The following ERC1 variants were observed in gnomAD, a reference collection of about 807,000 sequenced individuals.
The protein encoded by ERC1 is RAB6 interacting protein 2.
In ERC1, 56 loss-of-function variants were observed where a neutral mutation model predicts 132.0. The observed-to-expected ratio is 0.42, with a 90% CI of 0.34 to 0.53. The LOEUF is 0.53. Ranked by LOEUF, ERC1 falls within the 20% of genes least tolerant of loss-of-function variation. The probability of loss-of-function intolerance (pLI) is 0.03; values close to 1 mark genes in which losing one functional copy is unlikely to be tolerated. For missense variants in ERC1, 1,202 were observed against 1,349.9 expected (o/e 0.89, Z 1.72); for synonymous variants, 478 against 476.1 (o/e 1.00, Z -0.05).
chr12:1,326,023 A>T (rs1198692222), intron 15 of ERC1, among the ~76,000 whole-genome samples: 1 of 152,134 alleles, frequency 6.6e-6, no homozygotes, highest in Non-Finnish European at 1.5e-5. Flanking sequence ...GATGTTCATG[A>T]TTCAAAAACT....
chr12:1,359,120 G>A (rs539643622), intron 15 of ERC1, among the ~76,000 whole-genome samples: 8 of 152,256 alleles, frequency 5.3e-5, no homozygotes, highest in Admixed American at 3.9e-4. Flanking sequence ...ACCAAGGTGG[G>A]GAAAGAAAAA....
At chr12:1,306,475 A>G (rs1566544856) in intron 15 of ERC1, among the ~76,000 whole-genome samples, 4 of 152,208 alleles carry the variant, frequency 2.6e-5, no homozygotes, top group Admixed American at 1.3e-4. Context: ...GTAAAACTGT[A>G]TTGGAAAACA....
intron 16 of ERC1, among the ~76,000 whole-genome samples, chr12:1,382,881 A>G (rs555282344): frequency 6.6e-6 from 1 of 152,334 alleles, no homozygotes; most frequent in African/African-American, 2.4e-5. Flanking sequence ...GAATCCTTCA[A>G]AGAAATAGAT....
intron 13 of ERC1, among the ~76,000 whole-genome samples, chr12:1,245,853 G>A (rs1466681723): frequency 6.6e-6 from 1 of 152,138 alleles, no homozygotes; most frequent in East Asian, 1.9e-4. Flanking sequence ...TAATTACTGT[G>A]ATTTATAGTA....
chr12:1,092,848 C>T lies in ERC1; in HGVS notation c.1086+9268C>T, dbSNP rs923567960. On this transcript the variant is annotated intron_variant, in intron 3 of 18. Coordinates refer to ENST00000360905, the MANE Select transcript of ERC1 (RefSeq NM_178040.4). The stretch of plus-strand genomic sequence containing the variant: ...TGGTGGTGCACGCCTGTAATCCCAG[C>T]TCTTTGTGAGGCTGGCACATGGTAA... 9.2e-5 allele frequency among the ~76,000 whole-genome samples: 14 copies of T among 152,212 alleles called. 1 individual carries two copies. Among genetic ancestry groups the T allele is most frequent in the Non-Finnish European group, 1.2e-4 (8 of 68,030 alleles).
chr12:1,237,950 A>T (rs2075535979), intron 13 of ERC1, among the ~76,000 whole-genome samples: 1 of 152,238 alleles, frequency 6.6e-6, no homozygotes, highest in Non-Finnish European at 1.5e-5. Flanking sequence ...CTGAGGCTTT[A>T]CAACAAATTC....
At chr12:1,401,747 G>GT (rs1287253690) in intron 16 of ERC1, among the ~76,000 whole-genome samples, 10 of 127,716 alleles carry the variant, frequency 7.8e-5, no homozygotes, top group South Asian at 2.7e-4. Flanking sequence ...AGGGAGGGCG[G>GT]TAAAAAAAAA....
intron 17 of ERC1, among the ~76,000 whole-genome samples, chr12:1,419,160 A>G (rs2092321999): frequency 6.6e-6 from 1 of 152,212 alleles, no homozygotes; most frequent in Non-Finnish European, 1.5e-5. Context: ...TCCCCTAAGA[A>G]TATTCCCATA....
Position 1,037,765 on chromosome 12 carries a change from C to T in ERC1, c.669+9193C>T, listed in dbSNP as rs1969355250. Among the ~76,000 whole-genome samples the T allele has an allele frequency of 2.0e-5, 3 of 152,142 alleles. No individual in the cohort carries two copies. The South Asian group carries it at 6.2e-4, about 32-fold the overall frequency. On this transcript the variant is annotated intron_variant, in intron 2 of 18. Coordinates refer to ENST00000360905, the MANE Select transcript of ERC1 (RefSeq NM_178040.4). Reference sequence around the variant, plus strand: ...GATTTTTGAAAAAAGCTATATCCGGCCTGGCGCAGTGGCTCACGTTTGTAA... The same window carrying T: ...GATTTTTGAAAAAAGCTATATCCGGTCTGGCGCAGTGGCTCACGTTTGTAA...
chr12:1,403,153 T>C (rs951194753), intron 16 of ERC1, among the ~76,000 whole-genome samples: 1 of 152,194 alleles, frequency 6.6e-6, no homozygotes, highest in Non-Finnish European at 1.5e-5. Flanking sequence ...CCTGGAGATA[T>C]ACATTGATAG....
At position 1,440,600 on chromosome 12, in the gene ERC1, TTGTGTGTGTGTGTGTGTGTG is replaced by T. The variant is rs56749397; in HGVS notation, c.3025-3913_3025-3894del. Reference sequence around the variant, plus strand: ...TAAGCAATCCCCCTGCCTCAGCCTTTTGTGTGTGTGTGTGTGTGTGTGTGTGTGTGTGTGTGTGTGTGTGT... The same window carrying T: ...TAAGCAATCCCCCTGCCTCAGCCTTTTGTGTGTGTGTGTGTGTGTGTGTGT... On this transcript the variant is annotated intron_variant, in intron 17 of 18. Transcript: ENST00000360905. 7.0e-3 allele frequency among the ~76,000 whole-genome samples: 356 copies of T among 51,158 alleles called. 15 individuals are homozygous for T. The highest frequency in any genetic ancestry group is 0.025 in the East Asian group (38 of 1,526). The allele number at this position is 51,158 out of a possible 152,430, so 33.6% of individuals were successfully genotyped here.
At chr12:997,663 G>A (rs1163966184) in intron 1 of ERC1, among the ~76,000 whole-genome samples, 1 of 152,148 alleles carries the variant, frequency 6.6e-6, no homozygotes, top group Non-Finnish European at 1.5e-5. Flanking sequence ...AAGAGGTAGA[G>A]GTTGAAGACT....
Position 1,007,540 on chromosome 12 carries a change from C to CTCTGTG in ERC1, c.-157+16219_-157+16220insCTGTGT, listed in dbSNP as rs1555194875. ...ATTCTCTCTCTCTCTCTCTCTCTCT[C>CTCTGTG]TGTGTGTGTGTGTGTGTGTGTGTGT... On this transcript the variant is annotated intron_variant, in intron 1 of 18. Coordinates refer to ENST00000360905, the MANE Select transcript of ERC1 (RefSeq NM_178040.4). Among the ~76,000 whole-genome samples, 591 of 122,772 alleles carry CTCTGTG rather than the reference C, an allele frequency of 4.8e-3. 6 individuals carry two copies. Among genetic ancestry groups the CTCTGTG allele is most frequent in the African/African-American group, 0.019 (502 of 26,506 alleles). 80.5% of individuals were successfully genotyped at this position (122,772 alleles called of 152,430 possible). A position where few individuals can be genotyped will look rare whatever the true frequency, so the allele number is the denominator to read the frequency against.
At chr12:1,065,192 G>A (rs566102499) in intron 2 of ERC1, among the ~76,000 whole-genome samples, 44 of 151,888 alleles carry the variant, frequency 2.9e-4, no homozygotes, top group Non-Finnish European at 6.2e-4. Flanking sequence ...GTAGAGGGAG[G>A]GTTTCACCAT....
intron 14 of ERC1, among the ~76,000 whole-genome samples, chr12:1,270,403 T>G (rs2077753908): frequency 6.6e-6 from 1 of 151,998 alleles, no homozygotes; most frequent in Non-Finnish European, 1.5e-5. Context: ...AGAGACGAGG[T>G]TTCGTCATGT....
At chr12:1,045,876 T>C (rs1255160698) in intron 2 of ERC1, among the ~76,000 whole-genome samples, 2 of 151,976 alleles carry the variant, frequency 1.3e-5, no homozygotes, top group Non-Finnish European at 2.9e-5. Context: ...GGGGTTAACA[T>C]TGAGAGAAGG....
intron 13 of ERC1, among the ~76,000 whole-genome samples, chr12:1,255,580 C>G (rs968757844): frequency 3.4e-5 from 5 of 146,944 alleles, no homozygotes; most frequent in African/African-American, 7.6e-5. Context: ...AAAAGCATTC[C>G]TGTTTTTCCA....
intron 14 of ERC1, among the ~76,000 whole-genome samples, chr12:1,272,942 C>T (rs968752663): frequency 6.1e-5 from 7 of 115,104 alleles, no homozygotes; most frequent in East Asian, 2.3e-4. Context: ...AGTGAGACTC[C>T]GTCTAAAAAA....
chr12:1,443,052 C>T (rs907777088), intron 17 of ERC1, among the ~76,000 whole-genome samples: 1 of 151,078 alleles, frequency 6.6e-6, no homozygotes, highest in African/African-American at 2.5e-5. Context: ...GGACTACAGG[C>T]ACCCGCCCAG....
Sources: allele counts gnomAD v4.1 joint callset (sites outside exome capture counted in the v4.1 genomes callset), GRCh38; gene constraint gnomAD v4.1.1; transcripts MANE v1.5; gene names NCBI Gene and HGNC (gene_info 2026-07-23, HGNC 2026-07-21).